ANKS3: variants seen among roughly 807,000 people sequenced by gnomAD.
ANKS3 encodes ankyrin repeat and SAM domain-containing protein 3.
A neutral mutation model predicts 80.7 loss-of-function variants in ANKS3; 62 were observed. That is an observed-to-expected ratio of 0.77 (90% CI 0.63 to 0.95). ANKS3 has a LOEUF of 0.95. Ranked by LOEUF, ANKS3 falls within the 40% of genes least tolerant of loss-of-function variation. The pLI, the probability that ANKS3 is intolerant of heterozygous loss-of-function variation, is 0.00. For synonymous variants in ANKS3, 489 were observed against 355.3 expected (o/e 1.38, Z -4.23); for missense variants, 1,150 against 883.6 (o/e 1.30, Z -3.82).
chr16:4,707,206 A>G lies in ANKS3; in HGVS notation c.710-1953T>C, dbSNP rs188179345. On this transcript the variant is annotated intron_variant, in intron 7 of 17. Coordinates refer to ENST00000304283, the MANE Select transcript of ANKS3 (RefSeq NM_133450.4). The stretch of plus-strand genomic sequence containing the variant: ...AAAGAACAGGCAGATGGAAACCACA[A>G]AAGAGCCAGGGCTGCAATCCTGCTA... Among the ~76,000 whole-genome samples, 1,224 of 152,284 alleles carry G rather than the reference A, an allele frequency of 8.0e-3. 7 individuals carry two copies. Among genetic ancestry groups the G allele is most frequent in the Non-Finnish European group, 0.012 (820 of 68,018 alleles).
chr16:4,701,142 G>A lies in ANKS3; in HGVS notation c.1120-8C>T, dbSNP rs1173026193. On this transcript the variant is annotated splice_polypyrimidine_tract_variant and splice_region_variant and intron_variant, in intron 10 of 17. Transcript: ENST00000304283. ...ACAGGCATGATCCGAGTCCTGCAGT[G>A]AGAGGCGTGCATCTGAAAGAGTGCG... is the stretch of plus-strand genomic sequence containing the variant. 1 of 1,613,716 alleles carries A rather than the reference G, an allele frequency of 6.2e-7. No homozygotes were observed. Among genetic ancestry groups the A allele is most frequent in the East Asian group, 2.2e-5 (1 of 44,886 alleles).
intron 6 of ANKS3, among the ~76,000 whole-genome samples, chr16:4,720,403 A>G (rs1482443638): frequency 1.3e-5 from 2 of 150,442 alleles, no homozygotes; most frequent in African/African-American, 4.9e-5. Flanking sequence ...CAGAGGTTGC[A>G]GTGAGCCGAG....
intron 7 of ANKS3, among the ~76,000 whole-genome samples, chr16:4,712,315 G>C (rs1410938135): frequency 1.3e-5 from 2 of 152,082 alleles, no homozygotes; most frequent in Non-Finnish European, 2.9e-5. Flanking sequence ...AGGTTGCGGA[G>C]GTTGCAGTGA....
chr16:4,733,314 C>T (rs1457786234), intron 1 of ANKS3, among the ~76,000 whole-genome samples: 1 of 149,654 alleles, frequency 6.7e-6, no homozygotes, highest in African/African-American at 2.5e-5. Flanking sequence ...TTTTTTGAGA[C>T]ATAATCTCAC....
chr16:4,709,882 G>A (rs941837457), intron 7 of ANKS3, among the ~76,000 whole-genome samples: 2 of 151,780 alleles, frequency 1.3e-5, no homozygotes, highest in Non-Finnish European at 2.9e-5. Flanking sequence ...GTGGTGGTAG[G>A]TGCCTGTAGT....
At chr16:4,719,561 G>C (rs1289212923) in intron 6 of ANKS3, among the ~76,000 whole-genome samples, 1 of 152,056 alleles carries the variant, frequency 6.6e-6, no homozygotes, top group Non-Finnish European at 1.5e-5. Context: ...CCAGCACTTT[G>C]GGAGGCCAAG....
chr16:4,697,070 C>T lies in ANKS3; in HGVS notation c.1929G>A (p.Glu643=), dbSNP rs915666548. The T allele has an allele frequency of 1.2e-6, 2 of 1,613,934 alleles. No individual in the cohort carries two copies. The highest frequency in any genetic ancestry group is 1.7e-5 in the Admixed American group (1 of 60,006). Residue 643 remains glutamate, a synonymous_variant, in exon 17 of 18, where the codon GAG becomes GAA. Coordinates refer to ENST00000304283, the MANE Select transcript of ANKS3 (RefSeq NM_133450.4). ...TCTTCCCGTTCAGCACCTGCAGCTTCTCCAGGCTCTGGGTCACTAAGCACA... is the reference window on the plus strand; with the variant it reads ...TCTTCCCGTTCAGCACCTGCAGCTTTTCCAGGCTCTGGGTCACTAAGCACA... The part of the protein sequence containing the change: ...QALCLVTQSL[E]KLQVLNGKKW...
chr16:4,703,053 C>T (rs1454014352), intron 8 of ANKS3, among the ~76,000 whole-genome samples: 5 of 152,214 alleles, frequency 3.3e-5, no homozygotes, highest in African/African-American at 1.2e-4. Flanking sequence ...TTACTTTCCT[C>T]TTTACGTATT....
intron 9 of ANKS3, 58 bp from the exon 10 acceptor site, chr16:4,701,601 G>A: frequency 2.0e-6 from 3 of 1,495,382 alleles, no homozygotes; most frequent in East Asian, 2.4e-5. Context: ...CTGCGCATGG[G>A]CGTGCCCCGG....
intron 3 of ANKS3, among the ~76,000 whole-genome samples, chr16:4,728,792 G>A (rs1025020598): frequency 2.6e-5 from 4 of 152,276 alleles, no homozygotes; most frequent in East Asian, 3.9e-4. Flanking sequence ...AATTCCAAAC[G>A]TGACCCTTTG....
intron 1 of ANKS3, among the ~76,000 whole-genome samples, chr16:4,732,678 C>CAA (rs373806788): frequency 0.47 from 32,436 of 68,896 alleles, 7,036 homozygotes; most frequent in East Asian, 0.61. Context: ...AATTCTGTCT[C>CAA]AAAAAAAAAA....
chr16:4,709,653 T>C (rs2080383626), intron 7 of ANKS3, among the ~76,000 whole-genome samples: 1 of 152,160 alleles, frequency 6.6e-6, no homozygotes, highest in Non-Finnish European at 1.5e-5. Context: ...ATCTGATCAT[T>C]TGTGGCAACA....
chr16:4,706,541 T>C (rs989384273), intron 7 of ANKS3, among the ~76,000 whole-genome samples: 15 of 152,162 alleles, frequency 9.9e-5, no homozygotes, highest in Non-Finnish European at 2.1e-4. Context: ...CCAGCCACAA[T>C]TTTGTATTTT....
At chr16:4,718,336 G>T (rs1306213887) in intron 6 of ANKS3, among the ~76,000 whole-genome samples, 1 of 152,162 alleles carries the variant, frequency 6.6e-6, no homozygotes, top group Non-Finnish European at 1.5e-5. Flanking sequence ...GGTGGGATCA[G>T]AAAGTTTAGA....
At chr16:4,709,739 G>T (rs937265455) in intron 7 of ANKS3, among the ~76,000 whole-genome samples, 2 of 152,146 alleles carry the variant, frequency 1.3e-5, no homozygotes, top group African/African-American at 2.4e-5. Context: ...CAGCTGTTGT[G>T]GTGACTCACA....
At chr16:4,699,263 C>T in intron 11 of ANKS3, 87 bp from the exon 12 acceptor site, 2 of 1,520,256 alleles carry the variant, frequency 1.3e-6, no homozygotes, top group Non-Finnish European at 1.8e-6. Context: ...CCACCACTTC[C>T]CCAGGCTCAG....
chr16:4,701,200 A>C (rs878897413), intron 10 of ANKS3, 66 bp from the exon 11 acceptor site: 1,190 of 1,553,796 alleles, frequency 7.7e-4, no homozygotes, highest in East Asian at 4.4e-3. Flanking sequence ...TGAAACCCCC[A>C]CCCGCCACAC....
Position 4,705,188 on chromosome 16 carries a change from G to A in ANKS3, c.775C>T (p.Arg259Trp), listed in dbSNP as rs200691369. ...TCGTGGATGCTGACACCCTTCTTCC[G>A]GCAAGGCCTCTGTCTCTGAGGAGCA... ...CPAPQRQRPC[R>W]KKGVSIHEGP... The change falls in exon 8 of 18, where the codon CGG becomes TGG. Residue 259 changes from arginine to tryptophan, a missense_variant. Coordinates refer to ENST00000304283, the MANE Select transcript of ANKS3 (RefSeq NM_133450.4). 21 of 1,613,758 alleles carry A rather than the reference G, an allele frequency of 1.3e-5. No homozygotes were observed. The highest frequency in any genetic ancestry group is 2.7e-5 in the African/African-American group (2 of 74,912).
chr16:4,719,964 C>T (rs557442856), intron 6 of ANKS3, among the ~76,000 whole-genome samples: 2 of 149,704 alleles, frequency 1.3e-5, no homozygotes, highest in Non-Finnish European at 3.0e-5. Context: ...GAGTTCGAGA[C>T]CAGCCTGGCC....
Sources: allele counts gnomAD v4.1 joint callset (sites outside exome capture counted in the v4.1 genomes callset), GRCh38; gene constraint gnomAD v4.1.1; transcripts MANE v1.5; gene names NCBI Gene and HGNC (gene_info 2026-07-23, HGNC 2026-07-21).